ETV1: variants seen among roughly 807,000 people sequenced by gnomAD.
ETV1 encodes the protein ETS translocation variant 1.
A neutral mutation model predicts 62.3 loss-of-function variants in ETV1; 27 were observed. The ratio of observed to expected loss-of-function variants is 0.43; its 90% CI spans 0.32 to 0.60. The LOEUF is 0.60. ETV1 is among the 20% of genes least tolerant of loss of function. The pLI, the probability that ETV1 is intolerant of heterozygous loss-of-function variation, is 0.06. For missense variants in ETV1, 605 were observed against 605.8 expected (o/e 1.00, Z 0.01); for synonymous variants, 222 against 199.6 (o/e 1.11, Z -0.94).
At chr7:13,938,089 G>A (rs1481385826) in intron 7 of ETV1, among the ~76,000 whole-genome samples, 2 of 152,222 alleles carry the variant, frequency 1.3e-5, no homozygotes, top group South Asian at 2.1e-4. Context: ...GGGATTACAG[G>A]CATGCGCCAC....
chr7:13,967,150 A>G (rs983843385), intron 6 of ETV1, among the ~76,000 whole-genome samples: 1 of 152,174 alleles, frequency 6.6e-6, no homozygotes, highest in Non-Finnish European at 1.5e-5. Flanking sequence ...AAATATAATC[A>G]TTCCAATTTT....
intron 8 of ETV1, among the ~76,000 whole-genome samples, chr7:13,934,027 C>T (rs1786495890): frequency 6.6e-6 from 1 of 152,152 alleles, no homozygotes; most frequent in Admixed American, 6.5e-5. Flanking sequence ...ATTCAGTTAT[C>T]AAGAACTCAG....
At chr7:13,980,786 C>G (rs1431864646) in intron 5 of ETV1, among the ~76,000 whole-genome samples, 2 of 152,016 alleles carry the variant, frequency 1.3e-5, no homozygotes, top group East Asian at 3.9e-4. Context: ...AGTTGTTTTA[C>G]TGTTTTCTGT....
rs373561573 is a variant in ETV1 at position 13,935,746 on chromosome 7, C to T, written c.516G>A (p.Ser172=). The change falls in exon 8 of 14, where the codon TCG becomes TCA. Residue 172 remains serine (S), a synonymous_variant. Transcript: ENST00000430479. ...DRAFPAHLPP[S]QSIPDSSYPM... ...GGTAGCTGCTATCTGGTATGGACTGCGATGGAGGGAGGTGAGCTGGGAAGG... is the reference window on the plus strand; with the variant it reads ...GGTAGCTGCTATCTGGTATGGACTGTGATGGAGGGAGGTGAGCTGGGAAGG... The T allele has an allele frequency of 1.4e-5, 22 of 1,613,360 alleles. No homozygotes were observed. Among genetic ancestry groups the T allele is most frequent in the East Asian group, 8.9e-5 (4 of 44,850 alleles).
intron 9 of ETV1, among the ~76,000 whole-genome samples, chr7:13,915,039 A>G (rs1043910488): frequency 1.3e-5 from 2 of 152,232 alleles, no homozygotes; most frequent in African/African-American, 2.4e-5. Flanking sequence ...TCTTCTACCA[A>G]TAACGACTGT....
intron 6 of ETV1, 86 bp from the exon 7 acceptor site, chr7:13,939,332 G>C (rs994435994): frequency 8.7e-6 from 10 of 1,155,794 alleles, no homozygotes; most frequent in African/African-American, 3.2e-5. Flanking sequence ...TTGTTAAAAA[G>C]GTCATTCACA....
At chr7:13,901,891 G>A (rs1401336282) in intron 12 of ETV1, among the ~76,000 whole-genome samples, 2 of 152,114 alleles carry the variant, frequency 1.3e-5, no homozygotes, top group Admixed American at 1.3e-4. Context: ...TTTTTATTAT[G>A]TGGCTTTGGA....
At chr7:13,944,338 G>T (rs1787909300) in intron 6 of ETV1, among the ~76,000 whole-genome samples, 1 of 152,112 alleles carries the variant, frequency 6.6e-6, no homozygotes. Context: ...TTAAGTGTTT[G>T]GTAAAAGCTC....
intron 9 of ETV1, among the ~76,000 whole-genome samples, chr7:13,920,733 G>A (rs754205066): frequency 6.6e-6 from 1 of 152,098 alleles, no homozygotes; most frequent in Non-Finnish European, 1.5e-5. Flanking sequence ...GCCACTTACT[G>A]TAACTGTAGA....
chr7:13,908,753 T>A (rs1028764004), intron 11 of ETV1, among the ~76,000 whole-genome samples: 3 of 152,116 alleles, frequency 2.0e-5, no homozygotes, highest in African/African-American at 7.2e-5. Flanking sequence ...AATCTGAGCA[T>A]GTACATTGCT....
At chr7:13,976,311 G>A (rs1452437249) in intron 6 of ETV1, among the ~76,000 whole-genome samples, 1 of 152,202 alleles carries the variant, frequency 6.6e-6, no homozygotes, top group African/African-American at 2.4e-5. Flanking sequence ...ACAACAATGT[G>A]AATGTACTTA....
At chr7:13,926,339 G>C (rs907957202) in intron 9 of ETV1, among the ~76,000 whole-genome samples, 2 of 152,018 alleles carry the variant, frequency 1.3e-5, no homozygotes, top group Non-Finnish European at 2.9e-5. Context: ...ATATCAAAAA[G>C]TAAAATAAAA....
chr7:13,914,684 G>A (rs775709992), intron 9 of ETV1, among the ~76,000 whole-genome samples: 8 of 151,694 alleles, frequency 5.3e-5, no homozygotes, highest in Admixed American at 1.3e-4. Context: ...AGCTATGCTG[G>A]GAAACATAAT....
intron 6 of ETV1, among the ~76,000 whole-genome samples, chr7:13,965,682 G>A (rs959372163): frequency 6.6e-6 from 1 of 152,112 alleles, no homozygotes; most frequent in South Asian, 2.1e-4. Context: ...TCCTAATAGA[G>A]ATTATTGAGA....
At position 13,891,954 on chromosome 7, in the gene ETV1, T is replaced by G; in HGVS notation, c.*3912A>C. The stretch of plus-strand genomic sequence containing the variant: ...TCTGTAATGTTTTCTCATTACAAGC[T>G]CTGAAAAGGCTGCATGATAGACAAA... On this transcript the variant is annotated 3_prime_UTR_variant, in exon 14 of 14. Transcript: ENST00000430479. 4.3e-6 allele frequency: 1 copy of G among 231,942 alleles called. No homozygotes were observed. Among genetic ancestry groups the G allele is most frequent in the Non-Finnish European group, 8.5e-6 (1 of 117,270 alleles). 14.4% of individuals were successfully genotyped at this position (231,942 alleles called of 1,614,324 possible).
At chr7:13,965,779 T>C (rs534481278) in intron 6 of ETV1, among the ~76,000 whole-genome samples, 1 of 152,294 alleles carries the variant, frequency 6.6e-6, no homozygotes, top group East Asian at 1.9e-4. Context: ...GTTACATAAA[T>C]GCAAACAGCT....
At position 13,939,122 on chromosome 7, in the gene ETV1, A is replaced by G. The variant is rs1179770267; in HGVS notation, c.360T>C (p.Asn120=). 6 of 1,612,512 alleles carry G rather than the reference A, an allele frequency of 3.7e-6. No individual in the cohort carries two copies. Among genetic ancestry groups the G allele is most frequent in the Non-Finnish European group, 5.1e-6 (6 of 1,179,466 alleles). Reference sequence around the variant, plus strand: ...CATACACCTGGTGGCTTTACCTGACATTGTACAGGCACTTTTCTCCATAGC... The same window carrying G: ...CATACACCTGGTGGCTTTACCTGACGTTGTACAGGCACTTTTCTCCATAGC... ...KFSYGEKCLY[N]VSAYDQKPQV... Residue 120 remains asparagine (N), a synonymous_variant, in exon 7 of 14, where the codon AAT becomes AAC. Transcript: ENST00000430479.
At chr7:13,923,989 C>T (rs967716340) in intron 9 of ETV1, among the ~76,000 whole-genome samples, 2 of 151,638 alleles carry the variant, frequency 1.3e-5, no homozygotes, top group African/African-American at 2.4e-5. Flanking sequence ...GAGCTGAGAT[C>T]GTGCCATTGT....
In ETV1 at chr7:13,952,118, G is replaced by A. The variant is rs551198719; in HGVS notation, c.236-12872C>T. Among the ~76,000 whole-genome samples the A allele has an allele frequency of 1.1e-4, 17 of 152,278 alleles. No homozygotes were observed. The South Asian group carries it at 1.7e-3, about 15-fold the overall frequency. ...AGGTATCCCGACAGAAGGAAAAAGC[G>A]AAAGGTGTGGCCTGGAAGAAAGAAC... On this transcript the variant is annotated intron_variant, in intron 6 of 13. Transcript: ENST00000430479.
Sources: gnomAD v4.1 joint callset for allele counts (sites outside exome capture counted in the v4.1 genomes callset) on GRCh38, gnomAD v4.1.1 for gene constraint, MANE v1.5 for transcripts, NCBI Gene and HGNC (gene_info 2026-07-23, HGNC 2026-07-21) for gene names.